The following CDH12 variants were observed in gnomAD, a reference collection of about 807,000 sequenced individuals.
The protein encoded by CDH12 is cadherin-12.
In CDH12, 41 loss-of-function variants were observed where a neutral mutation model predicts 74.1. The ratio of observed to expected loss-of-function variants is 0.55; its 90% CI spans 0.43 to 0.72. CDH12 has a LOEUF of 0.72. Ranked by LOEUF, CDH12 falls within the 30% of genes least tolerant of loss-of-function variation. CDH12 has a pLI of 0.00. For missense variants in CDH12, 945 were observed against 977.2 expected (o/e 0.97, Z 0.44); for synonymous variants, 399 against 355.0 (o/e 1.12, Z -1.39).
At chr5:22,793,006 C>G (rs1407268361) in intron 1 of CDH12, among the ~76,000 whole-genome samples, 1 of 152,192 alleles carries the variant, frequency 6.6e-6, no homozygotes, top group Admixed American at 6.5e-5. Context: ...TTTGACCATG[C>G]ACCCCAAGGT....
At chr5:22,483,635 C>A (rs1440870492) in intron 2 of CDH12, among the ~76,000 whole-genome samples, 1 of 148,040 alleles carries the variant, frequency 6.8e-6, no homozygotes, top group Non-Finnish European at 1.5e-5. Flanking sequence ...AATTTGGCCA[C>A]ATAGGGAACA....
At chr5:22,566,442 G>T (rs978993985) in intron 1 of CDH12, among the ~76,000 whole-genome samples, 2 of 152,030 alleles carry the variant, frequency 1.3e-5, no homozygotes, top group African/African-American at 4.8e-5. Context: ...GTTTCACCAT[G>T]TTGGCCAGGC....
chr5:22,546,847 T>A (rs1252674276), intron 1 of CDH12, among the ~76,000 whole-genome samples: 2 of 152,202 alleles, frequency 1.3e-5, no homozygotes, highest in Non-Finnish European at 2.9e-5. Context: ...AACGCCTACA[T>A]ATTTTTCAGT....
chr5:22,553,719 A>G (rs1197964550), intron 1 of CDH12, among the ~76,000 whole-genome samples: 1 of 152,190 alleles, frequency 6.6e-6, no homozygotes. Context: ...CTACAGCAGC[A>G]GTCCCCAAGT....
intron 3 of CDH12, among the ~76,000 whole-genome samples, chr5:22,343,803 T>C (rs1470026705): frequency 6.6e-6 from 1 of 152,216 alleles, no homozygotes; most frequent in Non-Finnish European, 1.5e-5. Flanking sequence ...GTGGTTATAT[T>C]TGACAGTCAC....
At chr5:22,489,616 T>C (rs1016648784) in intron 2 of CDH12, among the ~76,000 whole-genome samples, 4 of 152,078 alleles carry the variant, frequency 2.6e-5, no homozygotes, top group Admixed American at 6.5e-5. Context: ...TAGCTGCATA[T>C]GCTGCAATTT....
Position 21,765,119 on chromosome 5 carries a change from A to T in CDH12, c.1394-20T>A, listed in dbSNP as rs202143428. On this transcript the variant is annotated intron_variant, in intron 11 of 14. Coordinates refer to ENST00000382254, the MANE Select transcript of CDH12 (RefSeq NM_004061.5). ...GGTTACCTGTTAAAAACATATAAAG[A>T]TAAAAGATGATTACAAAATCCGGTC... 2 of 1,496,944 alleles carry T rather than the reference A, an allele frequency of 1.3e-6. No individual in the cohort carries two copies. The highest frequency in any genetic ancestry group is 4.8e-5 in the East Asian group (2 of 41,262). The allele number at this position is 1,496,944 out of a possible 1,614,324, so 92.7% of individuals were successfully genotyped here. A position where few individuals can be genotyped will look rare whatever the true frequency, so the allele number is the denominator to read the frequency against.
chr5:21,892,270 TGTAGA>T (rs1358794985), intron 6 of CDH12, among the ~76,000 whole-genome samples: 1 of 152,168 alleles, frequency 6.6e-6, no homozygotes, highest in Non-Finnish European at 1.5e-5. Context: ...GGTTTAGTCA[TGTAGA>T]TGTTCGGCAA....
intron 2 of CDH12, among the ~76,000 whole-genome samples, chr5:22,456,389 T>A (rs1745276465): frequency 6.6e-6 from 1 of 151,958 alleles, no homozygotes; most frequent in South Asian, 2.1e-4. Flanking sequence ...TGCTAACAAA[T>A]CTAAGATTTC....
intron 4 of CDH12, among the ~76,000 whole-genome samples, chr5:22,184,765 C>T (rs1749838924): frequency 6.6e-6 from 1 of 152,134 alleles, no homozygotes; most frequent in South Asian, 2.1e-4. Flanking sequence ...ATATCATTCC[C>T]CCCAACAGTA....
chr5:22,026,491 T>C (rs1270245868), intron 5 of CDH12, among the ~76,000 whole-genome samples: 2 of 152,136 alleles, frequency 1.3e-5, no homozygotes, highest in Admixed American at 6.6e-5. Flanking sequence ...GCTATGACAG[T>C]TCCAGATTAA....
intron 2 of CDH12, among the ~76,000 whole-genome samples, chr5:22,451,113 G>A (rs1362619342): frequency 4.0e-5 from 6 of 151,494 alleles, no homozygotes; most frequent in Non-Finnish European, 7.4e-5. Flanking sequence ...TACTATATTA[G>A]GTTTCTTGTG....
At chr5:21,793,239 C>T (rs1381902240) in intron 10 of CDH12, among the ~76,000 whole-genome samples, 1 of 151,678 alleles carries the variant, frequency 6.6e-6, no homozygotes, top group Non-Finnish European at 1.5e-5. Context: ...ACTTTACTTA[C>T]TACCTATTTG....
At chr5:22,017,959 A>T (rs921127041) in intron 5 of CDH12, among the ~76,000 whole-genome samples, 1 of 151,992 alleles carries the variant, frequency 6.6e-6, no homozygotes, top group Non-Finnish European at 1.5e-5. Context: ...AGATTTCTTC[A>T]TGTTGGCCAG....
chr5:22,749,493 C>T (rs959648055), intron 1 of CDH12, among the ~76,000 whole-genome samples: 5 of 152,024 alleles, frequency 3.3e-5, no homozygotes, highest in African/African-American at 9.7e-5. Flanking sequence ...GCTACAAGAA[C>T]GGGATCATAA....
At position 22,328,978 on chromosome 5, in the gene CDH12, A is replaced by G. The variant is rs188207133; in HGVS notation, c.-333+76279T>C. Among the ~76,000 whole-genome samples, 893 of 152,346 alleles carry G rather than the reference A, an allele frequency of 5.9e-3. 30 individuals carry two copies. Among genetic ancestry groups the G allele is most frequent in the East Asian group, 6.9e-3 (36 of 5,180 alleles). On this transcript the variant is annotated intron_variant, in intron 3 of 14. Coordinates refer to ENST00000382254, the MANE Select transcript of CDH12 (RefSeq NM_004061.5). ...CCACAGCAGGATGGTAGTAAAAAAC[A>G]GAACAAACTTAGAATAAATCCTAGA...
intron 1 of CDH12, among the ~76,000 whole-genome samples, chr5:22,547,415 C>T (rs769697487): frequency 2.0e-5 from 3 of 152,082 alleles, no homozygotes; most frequent in East Asian, 1.9e-4. Context: ...ATTAATTAGT[C>T]GTCAGTCCAA....
chr5:22,474,875 T>C (rs2126611752), intron 2 of CDH12, among the ~76,000 whole-genome samples: 1 of 152,158 alleles, frequency 6.6e-6, no homozygotes, highest in Non-Finnish European at 1.5e-5. Context: ...TCACATAGAA[T>C]ATTTCTCATT....
chr5:21,779,799 A>T (rs1430103016), intron 11 of CDH12, among the ~76,000 whole-genome samples: 1 of 152,222 alleles, frequency 6.6e-6, no homozygotes, highest in African/African-American at 2.4e-5. Context: ...TCAGCTGGCT[A>T]GTGTGATCAA....
Sources: gnomAD v4.1 joint callset for allele counts (sites outside exome capture counted in the v4.1 genomes callset) on GRCh38, gnomAD v4.1.1 for gene constraint, MANE v1.5 for transcripts, NCBI Gene and HGNC (gene_info 2026-07-23, HGNC 2026-07-21) for gene names.